The following TJP2 variants were observed in gnomAD, a reference collection of about 807,000 sequenced individuals.
The protein encoded by TJP2 is Friedreich ataxia region gene X104 (tight junction protein ZO-2).
Under a neutral mutation model 133.1 loss-of-function variants are expected in TJP2, and 91 were observed. That is an observed-to-expected ratio of 0.68 (90% confidence interval 0.58 to 0.81). The LOEUF (loss-of-function observed/expected upper bound fraction) is 0.81, where lower values mean the gene tolerates loss of function less well. TJP2 is among the 40% of genes least tolerant of loss of function. TJP2 has a pLI of 0.00. For missense variants in TJP2, 1,541 were observed against 1,565.6 expected (o/e 0.98, Z 0.26); for synonymous variants, 592 against 583.4 (o/e 1.01, Z -0.21).
intron 17 of TJP2, among the ~76,000 whole-genome samples, chr9:69,244,728 A>C (rs1428048853): frequency 1.3e-5 from 2 of 152,222 alleles, no homozygotes; most frequent in Non-Finnish European, 2.9e-5. Context: ...GCCTGTTAAA[A>C]AGAGGTCAAG....
chr9:69,234,367 GTTTT>G (rs202132958), intron 11 of TJP2, 68 bp from the exon 12 acceptor site: 8 of 1,206,448 alleles, frequency 6.6e-6, no homozygotes, highest in Non-Finnish European at 9.2e-6. Context: ...AAACTTCTCT[GTTTT>G]TTCTTTCTTT....
chr9:69,209,627 G>A (rs1827708770), intron 1 of TJP2, among the ~76,000 whole-genome samples: 1 of 151,240 alleles, frequency 6.6e-6, no homozygotes, highest in African/African-American at 2.4e-5. Flanking sequence ...GGTGGCGCAT[G>A]CCTGTAATCC....
chr9:69,156,687 G>A (rs1004572997), intron 2 of TJP2, among the ~76,000 whole-genome samples: 12 of 151,712 alleles, frequency 7.9e-5, no homozygotes, highest in African/African-American at 2.7e-4. Flanking sequence ...GCCCGCCACT[G>A]CGCCCGGCTA....
intron 1 of TJP2, among the ~76,000 whole-genome samples, chr9:69,135,210 A>T (rs918273848): frequency 6.6e-6 from 1 of 151,808 alleles, no homozygotes; most frequent in South Asian, 2.1e-4. Context: ...TGAGTAAATA[A>T]TCATGGCTGG....
At chr9:69,214,607 G>A (rs118140041) in intron 2 of TJP2, among the ~76,000 whole-genome samples, 12,840 of 152,064 alleles carry the variant, frequency 0.084, 689 homozygotes, top group Non-Finnish European at 0.12. Flanking sequence ...AGTAGCTCAC[G>A]CCTGTAATCC....
intron 1 of TJP2, among the ~76,000 whole-genome samples, chr9:69,136,459 G>T (rs919899925): frequency 4.6e-5 from 7 of 151,844 alleles, no homozygotes; most frequent in African/African-American, 1.7e-4. Flanking sequence ...GATGGTAAAA[G>T]GTATCCTAAA....
chr9:69,185,894 T>TC (rs1427739846), intron 1 of TJP2, among the ~76,000 whole-genome samples: 3 of 151,478 alleles, frequency 2.0e-5, no homozygotes, highest in Non-Finnish European at 2.9e-5. Context: ...TTTTTTTTTT[T>TC]TTCTTTTTTT....
At chr9:69,230,375 C>T in intron 11 of TJP2, 143 bp downstream of exon 11, 2 of 1,033,120 alleles carry the variant, frequency 1.9e-6, no homozygotes, top group Admixed American at 2.0e-5. Flanking sequence ...ATTGAAGTCT[C>T]TGTATTCCTC....
intron 1 of TJP2, among the ~76,000 whole-genome samples, chr9:69,179,511 CTTT>C (rs563179558): frequency 3.6e-5 from 5 of 139,096 alleles, no homozygotes; most frequent in Admixed American, 7.2e-5. Flanking sequence ...CTTTTTCTTT[CTTT>C]TTTTTTTTTT....
At chr9:69,173,186 C>T (rs989979689), upstream of TJP2, among the ~76,000 whole-genome samples, 2 of 152,164 alleles carry the variant, frequency 1.3e-5, no homozygotes, top group African/African-American at 4.8e-5. Context: ...ACACCTTTTA[C>T]CTTCTACTTG....
chr9:69,143,178 AATC>A (rs1271002833), intron 1 of TJP2, among the ~76,000 whole-genome samples: 1 of 152,256 alleles, frequency 6.6e-6, no homozygotes, highest in Non-Finnish European at 1.5e-5. Context: ...TTTTATGTGA[AATC>A]ATCATAGATA....
intron 1 of TJP2, among the ~76,000 whole-genome samples, chr9:69,193,774 TC>T (rs1227680325): frequency 2.6e-5 from 4 of 151,468 alleles, no homozygotes; most frequent in African/African-American, 9.7e-5. Context: ...TGGCTTTGGC[TC>T]CACATTTGAT....
intron 19 of TJP2, chr9:69,248,836 C>T: frequency 1.0e-6 from 1 of 993,970 alleles, no homozygotes; most frequent in Non-Finnish European, 1.2e-6. Flanking sequence ...ATTAGTTGCA[C>T]CTCAGAGAAT....
chr9:69,182,212 T>C (rs1825564120), intron 1 of TJP2, among the ~76,000 whole-genome samples: 1 of 152,234 alleles, frequency 6.6e-6, no homozygotes, highest in Non-Finnish European at 1.5e-5. Flanking sequence ...CAACGTCACC[T>C]CAGGCAGAGC....
intron 1 of TJP2, chr9:69,204,813 A>C: frequency 1.9e-6 from 2 of 1,071,756 alleles, no homozygotes; most frequent in Non-Finnish European, 2.3e-6. Flanking sequence ...GTTGCTCTAA[A>C]GTGTCTCATT....
intron 1 of TJP2, among the ~76,000 whole-genome samples, chr9:69,127,301 C>A (rs1355054117): frequency 2.6e-5 from 2 of 75,710 alleles, no homozygotes; most frequent in African/African-American, 8.1e-5. Flanking sequence ...GATCTCCTGA[C>A]CTCGTGATCC....
chr9:69,148,267 C>A (rs1228008975), intron 1 of TJP2, among the ~76,000 whole-genome samples: 4 of 94,294 alleles, frequency 4.2e-5, no homozygotes, highest in Non-Finnish European at 6.3e-5. Context: ...TTTTTTGAGA[C>A]ACAGTCTCAA....
At chr9:69,169,092 G>A (rs1467779536) in intron 2 of TJP2, among the ~76,000 whole-genome samples, 2 of 152,096 alleles carry the variant, frequency 1.3e-5, no homozygotes, top group African/African-American at 2.4e-5. Context: ...TCCTTCTGGC[G>A]GAGTTTTAGC....
intron 1 of TJP2, among the ~76,000 whole-genome samples, chr9:69,210,198 C>G (rs1271665143): frequency 6.8e-6 from 1 of 146,352 alleles, no homozygotes; most frequent in African/African-American, 2.5e-5. Context: ...CTGAGGTATG[C>G]GAATCACTTG....
Sources: allele counts gnomAD v4.1 joint callset (sites outside exome capture counted in the v4.1 genomes callset), GRCh38; gene constraint gnomAD v4.1.1; transcripts MANE v1.5; gene names NCBI Gene and HGNC (gene_info 2026-07-23, HGNC 2026-07-21).